The following GFRA2 variants were observed in gnomAD, a reference collection of about 807,000 sequenced individuals.
GFRA2 encodes GDNF family receptor alpha-2.
Under a neutral mutation model 48.3 loss-of-function variants are expected in GFRA2, and 17 were observed. That is an observed-to-expected ratio of 0.35 (90% confidence interval 0.24 to 0.53). GFRA2 has a LOEUF of 0.53. Ranked by LOEUF, GFRA2 falls within the 20% of genes least tolerant of loss-of-function variation. GFRA2 has a pLI of 0.93. For missense variants in GFRA2, 660 were observed against 637.3 expected (o/e 1.04, Z -0.38); for synonymous variants, 305 against 257.2 (o/e 1.19, Z -1.78).
intron 3 of GFRA2, among the ~76,000 whole-genome samples, chr8:21,774,517 G>C (rs2117705173): frequency 6.6e-6 from 1 of 152,306 alleles, no homozygotes; most frequent in East Asian, 1.9e-4. Flanking sequence ...GCGGCGTGCT[G>C]AGCACTTTAC....
chr8:21,732,114 A>G, intron 4 of GFRA2, among the ~76,000 whole-genome samples: 1 of 152,374 alleles, frequency 6.6e-6, no homozygotes, highest in South Asian at 2.1e-4. Context: ...TCCTGGCGTC[A>G]CTGCATAGAA....
intron 3 of GFRA2, among the ~76,000 whole-genome samples, chr8:21,767,908 C>T (rs1307904143): frequency 3.3e-5 from 5 of 152,200 alleles, no homozygotes; most frequent in Admixed American, 3.3e-4. Flanking sequence ...CACCTTAGTG[C>T]CAGCAAATCC....
In GFRA2 at chr8:21,808,760, G is replaced by A. The variant is rs567862605; in HGVS notation, c.-148+3471C>T. 5.4e-4 allele frequency among the ~76,000 whole-genome samples: 83 copies of A among 152,350 alleles called. No homozygotes were observed. The South Asian group carries it at 0.016, about 29-fold the overall frequency. On this transcript the variant is annotated intron_variant, in intron 1 of 10. Transcript: ENST00000517328. ...GGCCCTAGGGCCACGTGGATGGCCCGCTTCAGGGTCTGAGCTTCCCACACC... is the reference window on the plus strand; with the variant it reads ...GGCCCTAGGGCCACGTGGATGGCCCACTTCAGGGTCTGAGCTTCCCACACC...
At chr8:21,761,371 G>A (rs1428775889) in intron 3 of GFRA2, among the ~76,000 whole-genome samples, 1 of 152,246 alleles carries the variant, frequency 6.6e-6, no homozygotes, top group Admixed American at 6.5e-5. Context: ...CAAGTAAACA[G>A]ATGGAAACTT....
chr8:21,697,682 CA>C (rs1802277169), intron 7 of GFRA2, among the ~76,000 whole-genome samples: 1 of 152,184 alleles, frequency 6.6e-6, no homozygotes, highest in Non-Finnish European at 1.5e-5. Context: ...TGTCTCCACC[CA>C]AATCTCATCT....
chr8:21,757,334 C>A (rs1020445606), intron 3 of GFRA2, among the ~76,000 whole-genome samples: 2 of 152,174 alleles, frequency 1.3e-5, no homozygotes, highest in Non-Finnish European at 2.9e-5. Flanking sequence ...GAAGCCCCCA[C>A]CCCCAGCAGG....
At chr8:21,769,080 A>C (rs1806316589) in intron 3 of GFRA2, 1 of 672,080 alleles carries the variant, frequency 1.5e-6, no homozygotes, top group Non-Finnish European at 1.8e-6. Flanking sequence ...ATTGCTACTG[A>C]AAACAAGCCA....
At chr8:21,736,537 C>T (rs1247465781) in intron 4 of GFRA2, among the ~76,000 whole-genome samples, 2 of 151,934 alleles carry the variant, frequency 1.3e-5, no homozygotes, top group Non-Finnish European at 2.9e-5. Context: ...CACTCTGTTG[C>T]TGGGCTGCAA....
intron 4 of GFRA2, among the ~76,000 whole-genome samples, chr8:21,737,593 C>G (rs962293758): frequency 3.3e-5 from 5 of 152,074 alleles, no homozygotes; most frequent in African/African-American, 1.2e-4. Flanking sequence ...ACAGACTCTC[C>G]TCCCTCAGCC....
Position 21,788,624 on chromosome 8 carries a change from A to C in GFRA2, c.-465T>G. ...GGAATAAAATGCAAATAGAAAAGAA[A>C]TCCACAGACGGGTGTCAGCGCCCAA... On this transcript the variant is annotated 5_prime_UTR_variant, in exon 1 of 9. Coordinates refer to ENST00000524240, the MANE Select transcript of GFRA2 (RefSeq NM_001495.5). 3.0e-6 allele frequency: 3 copies of C among 987,680 alleles called. No individual in the cohort carries two copies. The highest frequency in any genetic ancestry group is 6.1e-5 in the Admixed American group (1 of 16,352). 61.2% of individuals were successfully genotyped at this position (987,680 alleles called of 1,614,324 possible). A position where few individuals can be genotyped will look rare whatever the true frequency, so the allele number is the denominator to read the frequency against.
chr8:21,719,201 G>A (rs1803479714), intron 4 of GFRA2, among the ~76,000 whole-genome samples: 1 of 152,136 alleles, frequency 6.6e-6, no homozygotes, highest in Non-Finnish European at 1.5e-5. Flanking sequence ...CCAGAGCAGG[G>A]GGTCCAAGTC....
Position 21,693,250 on chromosome 8 carries a change from A to C in GFRA2, c.*28T>G. The C allele has an allele frequency of 6.3e-7, 1 of 1,594,940 alleles. No individual in the cohort carries two copies. Among genetic ancestry groups the C allele is most frequent in the Non-Finnish European group, 8.6e-7 (1 of 1,167,654 alleles). ...GGCTGTTCTTGTCTGCGTAGCTTTC[A>C]AAAATATTCTGACTCGGTTCCCACA... is the stretch of plus-strand genomic sequence containing the variant. On this transcript the variant is annotated 3_prime_UTR_variant, in exon 9 of 9. Transcript: ENST00000524240.
intron 3 of GFRA2, among the ~76,000 whole-genome samples, chr8:21,756,688 C>G: frequency 6.6e-6 from 1 of 152,222 alleles, no homozygotes; most frequent in Non-Finnish European, 1.5e-5. Flanking sequence ...CAAGACCCCT[C>G]ACAGTCCTTG....
chr8:21,793,693 G>A (rs1385769449), upstream of GFRA2, among the ~76,000 whole-genome samples: 2 of 151,972 alleles, frequency 1.3e-5, no homozygotes, highest in African/African-American at 2.4e-5. Context: ...ATTCAAACTC[G>A]GGCAGTCAGG....
At chr8:21,748,580 AAAG>A (rs1269112667) in intron 4 of GFRA2, among the ~76,000 whole-genome samples, 1 of 152,180 alleles carries the variant, frequency 6.6e-6, no homozygotes, top group African/African-American at 2.4e-5. Context: ...ATAATACTGG[AAAG>A]AAGCAGTTTA....
At position 21,775,042 on chromosome 8, in the gene GFRA2, G is replaced by T; in HGVS notation, c.369C>A (p.Tyr123Ter). 1 of 1,580,950 alleles carries T rather than the reference G, an allele frequency of 6.3e-7. No individual in the cohort carries two copies. Among genetic ancestry groups the T allele is most frequent in the Non-Finnish European group, 8.7e-7 (1 of 1,150,286 alleles). Residue 123 changes from tyrosine (Y) to a stop codon, truncating the protein, a stop_gained, in exon 3 of 9, where the codon TAC becomes TAA. Transcript: ENST00000524240. LOFTEE classifies it high-confidence loss of function. ...TCACCGGCTCATAGGGGGAGGCTTC[G>T]TAGAACTCCTCACCTGGAAGACAGA... The part of the protein sequence containing the change: ...HLGLTEGEEF[Y>*]EASPYEPVTS...
At chr8:21,789,150 C>G (rs1467037699), upstream of GFRA2, 1 of 168,742 alleles carries the variant, frequency 5.9e-6, no homozygotes, top group African/African-American at 2.4e-5. Flanking sequence ...GATCGCGGGC[C>G]GAGAGGAGAG....
Position 21,690,697 on chromosome 8 carries a change from T to A in GFRA2, c.*2581A>T, listed in dbSNP as rs527252069. Reference sequence around the variant, plus strand: ...ATATATCCTCTCTCTCACACTCAAGTATGGCAGAGGGCAGGCACAAGGCCC... The same window carrying A: ...ATATATCCTCTCTCTCACACTCAAGAATGGCAGAGGGCAGGCACAAGGCCC... On this transcript the variant is annotated 3_prime_UTR_variant, in exon 9 of 9. Coordinates refer to ENST00000524240, the MANE Select transcript of GFRA2 (RefSeq NM_001495.5). The A allele has an allele frequency of 6.6e-6, 1 of 152,288 alleles. No homozygotes were observed. The highest frequency in any genetic ancestry group is 2.1e-4 in the South Asian group (1 of 4,820). 9.4% of individuals were successfully genotyped at this position (152,288 alleles called of 1,614,324 possible).
chr8:21,798,079 C>G (rs1370085626), intron 2 of GFRA2, among the ~76,000 whole-genome samples: 21 of 152,306 alleles, frequency 1.4e-4, no homozygotes, highest in Non-Finnish European at 1.8e-4. Context: ...CACCTGCTGC[C>G]TCCCCACTAC....
Sources: gnomAD v4.1 joint callset for allele counts (sites outside exome capture counted in the v4.1 genomes callset) on GRCh38, gnomAD v4.1.1 for gene constraint, MANE v1.5 for transcripts, NCBI Gene and HGNC (gene_info 2026-07-23, HGNC 2026-07-21) for gene names.